C7orf57: variants seen among roughly 807,000 people sequenced by gnomAD.
C7orf57 encodes chromosome 7 open reading frame 57, also known as uncharacterized protein C7orf57.
In C7orf57, 33 loss-of-function variants were observed where a neutral mutation model predicts 39.0. The observed-to-expected ratio is 0.85, with a 90% CI of 0.64 to 1.13. C7orf57 has a LOEUF of 1.13. Ranked by LOEUF, C7orf57 falls within the 50% of genes most tolerant of loss-of-function variation. C7orf57 has a pLI of 0.00. For missense variants in C7orf57, 346 were observed against 362.3 expected (o/e 0.95, Z 0.37); for synonymous variants, 124 against 137.1 (o/e 0.90, Z 0.67).
chr7:48,054,041 T>C (rs1456158540), intron 7 of C7orf57, among the ~76,000 whole-genome samples: 1 of 152,236 alleles, frequency 6.6e-6, no homozygotes, highest in African/African-American at 2.4e-5. Flanking sequence ...TTGAACAAGA[T>C]CTGCCACTTA....
At position 48,043,581 on chromosome 7, in the gene C7orf57, C is replaced by G. The variant is rs1316390395; in HGVS notation, c.342C>G (p.Ser114Arg). 1 of 1,613,388 alleles carries G rather than the reference C, an allele frequency of 6.2e-7. No individual in the cohort carries two copies. The change falls in exon 4 of 9, where the codon AGC becomes AGG. Residue 114 changes from serine to arginine, a missense_variant. Ser to Arg is a moderately radical substitution (Grantham distance 110). Coordinates refer to ENST00000348904, the MANE Select transcript of C7orf57 (RefSeq NM_001100159.3). ...YIHHSKPPTA[S>R]QQEVRAVSMP... The stretch of plus-strand genomic sequence containing the variant: ...ACCACAGCAAGCCACCGACAGCCAG[C>G]CAGCAAGAGTAAGTACCTTAAAGCA...
intron 8 of C7orf57, among the ~76,000 whole-genome samples, chr7:48,058,928 C>T (rs2128800179): frequency 6.6e-6 from 1 of 152,320 alleles, no homozygotes; most frequent in East Asian, 1.9e-4. Flanking sequence ...ATATTATCAG[C>T]AAGATCTGTT....
intron 5 of C7orf57, among the ~76,000 whole-genome samples, chr7:48,047,930 C>T (rs1461170447): frequency 6.6e-6 from 1 of 152,210 alleles, no homozygotes; most frequent in Non-Finnish European, 1.5e-5. Context: ...TGACCAATTA[C>T]ACTGAGCTAC....
intron 2 of C7orf57, 34 bp downstream of exon 2, chr7:48,036,397 G>C (rs1478207047): frequency 6.5e-7 from 1 of 1,538,044 alleles, no homozygotes; most frequent in East Asian, 2.4e-5. Flanking sequence ...CGGCCAGAAA[G>C]AGCTGGGTGC....
intron 4 of C7orf57, among the ~76,000 whole-genome samples, chr7:48,043,822 C>A (rs1790625904): frequency 1.3e-5 from 2 of 152,026 alleles, no homozygotes; most frequent in African/African-American, 2.4e-5. Flanking sequence ...TGTCTTTGGG[C>A]TCCTTCTCGG....
chr7:48,049,711 T>C (rs1372940997), intron 5 of C7orf57, among the ~76,000 whole-genome samples, 169 bp from the exon 6 acceptor site: 1 of 152,240 alleles, frequency 6.6e-6, no homozygotes, highest in African/African-American at 2.4e-5. Flanking sequence ...ACATAACTAT[T>C]TTGTTGAATG....
Position 48,036,279 on chromosome 7 carries a change from G to T in C7orf57, c.-30G>T. The T allele has an allele frequency of 1.3e-6, 2 of 1,565,854 alleles. No homozygotes were observed. Among genetic ancestry groups the T allele is most frequent in the Admixed American group, 1.9e-5 (1 of 52,640 alleles). On this transcript the variant is annotated 5_prime_UTR_variant, in exon 2 of 9. Transcript: ENST00000348904. Reference sequence around the variant, plus strand: ...GCGAACACCAGGTCCGGCAGCATCTGTCTTTTCCCGCAGCGTGCAGCGCCT... The same window carrying T: ...GCGAACACCAGGTCCGGCAGCATCTTTCTTTTCCCGCAGCGTGCAGCGCCT...
At chr7:48,045,885 C>T (rs1213719921) in intron 4 of C7orf57, among the ~76,000 whole-genome samples, 2 of 152,064 alleles carry the variant, frequency 1.3e-5, no homozygotes. Flanking sequence ...AAATGACCAT[C>T]CAACAGGAAA....
chr7:48,060,007 T>C (rs1408631452), intron 8 of C7orf57, among the ~76,000 whole-genome samples: 1 of 152,236 alleles, frequency 6.6e-6, no homozygotes, highest in Non-Finnish European at 1.5e-5. Context: ...CTGTTTCCAA[T>C]GGGGCATTCT....
rs1791023045 is a variant in C7orf57, at chr7:48,053,517, T to G, written c.829+594T>G. Reference sequence around the variant, plus strand: ...TCCTGGCTGGAGTGAAGTGGCACAATCACAGATCACTGTAGCCTCAACCTC... The same window carrying G: ...TCCTGGCTGGAGTGAAGTGGCACAAGCACAGATCACTGTAGCCTCAACCTC... On this transcript the variant is annotated intron_variant, in intron 7 of 8. Coordinates refer to ENST00000348904, the MANE Select transcript of C7orf57 (RefSeq NM_001100159.3). Among the ~76,000 whole-genome samples the G allele has an allele frequency of 2.0e-5, 3 of 152,274 alleles. No homozygotes were observed. In the South Asian group the frequency reaches 6.2e-4, roughly 32 times the overall value.
At chr7:48,052,610 ACCT>A in intron 6 of C7orf57, 87 bp from the exon 7 acceptor site, 1 of 1,039,930 alleles carries the variant, frequency 9.6e-7, no homozygotes, top group Non-Finnish European at 1.5e-6. Flanking sequence ...GGACAGTGAC[ACCT>A]CCTATTTGGT....
Position 48,049,911 on chromosome 7 carries a change from T to C in C7orf57, c.539T>C (p.Leu180Pro). ...LRLPAIDSKY[L>P]SKAGTPLGPK... ...CTACCGGCCATTGACTCAAAGTATC[T>C]GAGCAAAGCAGGCACCCCACTTGGC... Residue 180 changes from leucine to proline, a missense_variant, in exon 6 of 9, where the codon CTG becomes CCG. Transcript: ENST00000348904. 1 of 1,613,816 alleles carries C rather than the reference T, an allele frequency of 6.2e-7. No homozygotes were observed. Among genetic ancestry groups the C allele is most frequent in the East Asian group, 2.2e-5 (1 of 44,870 alleles).
chr7:48,037,768 T>TGTGTGTGTGC lies in C7orf57; in HGVS notation c.55+1406_55+1407insTGTGTGTGCG, dbSNP rs977066344. Among the ~76,000 whole-genome samples the TGTGTGTGTGC allele has an allele frequency of 1.8e-3, 265 of 150,442 alleles. 6 individuals are homozygous for TGTGTGTGTGC. In the South Asian group the frequency reaches 0.045, roughly 25 times the overall value. ...AACCCTCTGTGTGTGTGTGTGTGTG[T>TGTGTGTGTGC]GCGCGCGCGTGCGTGTGTGTGAGGT... On this transcript the variant is annotated intron_variant, in intron 2 of 8. Transcript: ENST00000348904.
chr7:48,040,512 C>T (rs1790515720), intron 2 of C7orf57, among the ~76,000 whole-genome samples: 3 of 152,178 alleles, frequency 2.0e-5, no homozygotes, highest in African/African-American at 7.2e-5. Context: ...CCATCTAGAC[C>T]TCTGGCCACC....
intron 4 of C7orf57, among the ~76,000 whole-genome samples, chr7:48,046,060 C>T (rs1006810297): frequency 2.0e-5 from 3 of 151,916 alleles, no homozygotes; most frequent in South Asian, 2.1e-4. Flanking sequence ...GTTTTACTAA[C>T]GTTGAGACCT....
chr7:48,061,233 A>T lies in C7orf57; in HGVS notation c.*961A>T, dbSNP rs138468044. The T allele has an allele frequency of 6.6e-6, 1 of 152,176 alleles. No homozygotes were observed. The highest frequency in any genetic ancestry group is 1.5e-5 in the Non-Finnish European group (1 of 68,024). 9.4% of individuals were successfully genotyped at this position (152,176 alleles called of 1,614,324 possible). A position where few individuals can be genotyped will look rare whatever the true frequency, so the allele number is the denominator to read the frequency against. On this transcript the variant is annotated 3_prime_UTR_variant, in exon 9 of 9. Transcript: ENST00000348904. ...GATCAAACTGATATGCTACAGGAGA[A>T]TGTATGCAATGTGTAAAAAATGCAA...
At chr7:48,055,074 C>T (rs1336262090) in intron 8 of C7orf57, among the ~76,000 whole-genome samples, 3 of 152,076 alleles carry the variant, frequency 2.0e-5, no homozygotes, top group Non-Finnish European at 4.4e-5. Flanking sequence ...GGCGGGGTTT[C>T]ACCGTGTTAG....
rs189723111 is a variant in C7orf57 at position 48,048,224 on chromosome 7, C to T, written c.507+1608C>T. ...CGGGTAAGGTGCAGGGGATGAGCAC[C>T]GCATCGGGATGGGCTCTGATTTCCC... On this transcript the variant is annotated intron_variant, in intron 5 of 8. Transcript: ENST00000348904. Among the ~76,000 whole-genome samples the T allele has an allele frequency of 1.2e-4, 18 of 152,270 alleles. No individual in the cohort carries two copies. In the East Asian group the frequency reaches 2.3e-3, roughly 20 times the overall value.
chr7:48,051,724 TTCTC>T lies in C7orf57; in HGVS notation c.606-974_606-971del, dbSNP rs755414581. 7.9e-4 allele frequency among the ~76,000 whole-genome samples: 40 copies of T among 50,532 alleles called. 5 individuals are homozygous for T. Among genetic ancestry groups the T allele is most frequent in the African/African-American group, 1.5e-3 (37 of 24,498 alleles). The allele number at this position is 50,532 out of a possible 152,430, so 33.2% of individuals were successfully genotyped here. On this transcript the variant is annotated intron_variant, in intron 6 of 8. Coordinates refer to ENST00000348904, the MANE Select transcript of C7orf57 (RefSeq NM_001100159.3). The stretch of plus-strand genomic sequence containing the variant: ...TTCTCTCTCTCTCTCCTTTCTTTCT[TTCTC>T]TTTTTCTTTTCTTTCTTTTTCTTTT...
Sources: allele counts gnomAD v4.1 joint callset (sites outside exome capture counted in the v4.1 genomes callset), GRCh38; gene constraint gnomAD v4.1.1; transcripts MANE v1.5; gene names NCBI Gene and HGNC (gene_info 2026-07-23, HGNC 2026-07-21).